The following CLIC4 variants were observed in gnomAD, a reference collection of about 807,000 sequenced individuals.
The protein encoded by CLIC4 is CLIC family member 4, also known as chloride intracellular channel protein 4.
In CLIC4, 13 loss-of-function variants were observed where a neutral mutation model predicts 24.6. The ratio of observed to expected loss-of-function variants is 0.53; its 90% CI spans 0.34 to 0.84. CLIC4 has a LOEUF of 0.84. Among genes scored for constraint, CLIC4 ranks in the 40% least tolerant of loss-of-function variants. The pLI, the probability that CLIC4 is intolerant of heterozygous loss-of-function variation, is 0.01. For missense variants in CLIC4, 227 were observed against 301.7 expected, an observed-to-expected ratio of 0.75 and a Z score of 1.83; for synonymous variants, 104 against 111.3, an observed-to-expected ratio of 0.93 and a Z score of 0.41.
rs1212033050 is a variant in CLIC4 at position 24,820,067 on chromosome 1, G to GTGTGTATATATA, written c.308+5849_308+5850insGTGTATATATAT. On this transcript the variant is annotated intron_variant, in intron 3 of 5. Transcript: ENST00000374379. ...TACTTCAAAAAAAAAAAAAAAGTAT[G>GTGTGTATATATA]TATATATATATGTATATATATATAT... Among the ~76,000 whole-genome samples, 98 of 36,460 alleles carry GTGTGTATATATA rather than the reference G, an allele frequency of 2.7e-3. 7 individuals carry two copies. Among genetic ancestry groups the GTGTGTATATATA allele is most frequent in the East Asian group, 9.2e-3 (8 of 866 alleles). 23.9% of individuals were successfully genotyped at this position (36,460 alleles called of 152,430 possible).
Position 24,783,324 on chromosome 1 carries a change from G to A in CLIC4, c.73-14418G>A, listed in dbSNP as rs528984908. 3.3e-5 allele frequency among the ~76,000 whole-genome samples: 5 copies of A among 152,212 alleles called. No individual in the cohort carries two copies. In the South Asian group the frequency reaches 1.0e-3, roughly 32 times the overall value. On this transcript the variant is annotated intron_variant, in intron 1 of 5. Transcript: ENST00000374379. ...AAATCCAGCCTACTCTGCTAGTCAG[G>A]TATTAGCCCTGGTCCCTAACATCAC...
intron 3 of CLIC4, among the ~76,000 whole-genome samples, chr1:24,816,464 A>T (rs1639670218): frequency 6.6e-6 from 1 of 151,828 alleles, no homozygotes; most frequent in South Asian, 2.1e-4. Context: ...GCTGGTCTTG[A>T]ACTCCTGACC....
chr1:24,802,045 C>G (rs1403457529), intron 2 of CLIC4, among the ~76,000 whole-genome samples: 1 of 152,096 alleles, frequency 6.6e-6, no homozygotes, highest in Non-Finnish European at 1.5e-5. Flanking sequence ...CCACCAGGCA[C>G]ACACCCTTAC....
intron 2 of CLIC4, among the ~76,000 whole-genome samples, chr1:24,811,524 G>A (rs4507959): frequency 0.98 from 148,384 of 152,184 alleles, 72,419 homozygotes; most frequent in East Asian, 1. Flanking sequence ...CCAGGCTGAA[G>A]TGCAGTGATA....
intron 2 of CLIC4, among the ~76,000 whole-genome samples, chr1:24,800,854 A>G (rs1462185864): frequency 1.3e-5 from 2 of 152,004 alleles, no homozygotes; most frequent in Non-Finnish European, 2.9e-5. Flanking sequence ...TGCTAAACAG[A>G]TGCTTGAAGG....
chr1:24,825,014 A>T (rs1368318472), intron 3 of CLIC4, among the ~76,000 whole-genome samples: 1 of 151,460 alleles, frequency 6.6e-6, no homozygotes, highest in African/African-American at 2.4e-5. Context: ...ACACACACAC[A>T]CACACACACA....
At position 24,841,308 on chromosome 1, in the gene CLIC4, T is replaced by G. The variant is rs866093165; in HGVS notation, c.*371T>G. 1.9e-4 allele frequency: 30 copies of G among 160,124 alleles called. No homozygotes were observed. The highest frequency in any genetic ancestry group is 3.1e-3 in the Middle Eastern group (1 of 324). The allele number at this position is 160,124 out of a possible 1,614,324, so 9.9% of individuals were successfully genotyped here. A position where few individuals can be genotyped will look rare whatever the true frequency, so the allele number is the denominator to read the frequency against. On this transcript the variant is annotated 3_prime_UTR_variant, in exon 6 of 6. Coordinates refer to ENST00000374379, the MANE Select transcript of CLIC4 (RefSeq NM_013943.3). ...TGCAATGTTTAATTGTTAAAAATAG[T>G]AGCCACGACTTTATCAGGCAGCCCC... is the stretch of plus-strand genomic sequence containing the variant.
rs1441621305 is a variant in CLIC4, at chr1:24,843,278, A to G, written c.*2341A>G. The G allele has an allele frequency of 6.6e-6, 1 of 152,250 alleles. No homozygotes were observed. Among genetic ancestry groups the G allele is most frequent in the Non-Finnish European group, 1.5e-5 (1 of 68,030 alleles). 9.4% of individuals were successfully genotyped at this position (152,250 alleles called of 1,614,324 possible). On this transcript the variant is annotated 3_prime_UTR_variant, in exon 6 of 6. Transcript: ENST00000374379. ...CTAGTAAAAAGGACGACCCAGCAAC[A>G]TGCTTTAACCCCATTGTATGTTTGT... is the stretch of plus-strand genomic sequence containing the variant.
chr1:24,827,412 A>G (rs1294579717), intron 4 of CLIC4, among the ~76,000 whole-genome samples: 1 of 152,234 alleles, frequency 6.6e-6, no homozygotes, highest in African/African-American at 2.4e-5. Context: ...GGAGCTAGGC[A>G]AAGAATTAAT....
chr1:24,777,685 A>G (rs1639157521), intron 1 of CLIC4, among the ~76,000 whole-genome samples: 2 of 152,156 alleles, frequency 1.3e-5, no homozygotes, highest in East Asian at 1.9e-4. Context: ...ATACATGGCT[A>G]TTCAGTGTTT....
chr1:24,789,272 C>T (rs2124122042), intron 1 of CLIC4, among the ~76,000 whole-genome samples: 1 of 152,346 alleles, frequency 6.6e-6, no homozygotes, highest in East Asian at 1.9e-4. Context: ...AATCCCAGCA[C>T]TTTGGGAGAC....
At chr1:24,749,833 G>A (rs1638751895) in intron 1 of CLIC4, among the ~76,000 whole-genome samples, 2 of 152,060 alleles carry the variant, frequency 1.3e-5, no homozygotes, top group African/African-American at 2.4e-5. Context: ...AGTGGCTCAC[G>A]CCTGTAATCC....
chr1:24,797,278 A>G (rs1442622316), intron 1 of CLIC4, among the ~76,000 whole-genome samples: 1 of 151,600 alleles, frequency 6.6e-6, no homozygotes, highest in African/African-American at 2.4e-5. Context: ...TAAGAAAAGA[A>G]AGAGGCTAGC....
At chr1:24,765,184 GTA>G (rs1638978432) in intron 1 of CLIC4, among the ~76,000 whole-genome samples, 1 of 152,172 alleles carries the variant, frequency 6.6e-6, no homozygotes, top group Non-Finnish European at 1.5e-5. Context: ...GATAGAAGAA[GTA>G]TATATGGAAA....
intron 1 of CLIC4, among the ~76,000 whole-genome samples, chr1:24,762,863 G>T (rs1441216134): frequency 6.6e-6 from 1 of 152,156 alleles, no homozygotes; most frequent in Admixed American, 6.5e-5. Context: ...TGCAAAGGGG[G>T]ATACATATGA....
In CLIC4 at chr1:24,841,359, A is replaced by G. The variant is rs1466186543; in HGVS notation, c.*422A>G. On this transcript the variant is annotated 3_prime_UTR_variant, in exon 6 of 6. Coordinates refer to ENST00000374379, the MANE Select transcript of CLIC4 (RefSeq NM_013943.3). ...AAACTGGTGCATAATGCATGGTACA[A>G]GAAATATTTATGTATTTTTTGGAAT... 2 of 153,514 alleles carry G rather than the reference A, an allele frequency of 1.3e-5. No individual in the cohort carries two copies. Among genetic ancestry groups the G allele is most frequent in the Non-Finnish European group, 2.9e-5 (2 of 68,952 alleles). The allele number at this position is 153,514 out of a possible 1,614,324, so 9.5% of individuals were successfully genotyped here. A position where few individuals can be genotyped will look rare whatever the true frequency, so the allele number is the denominator to read the frequency against.
intron 1 of CLIC4, among the ~76,000 whole-genome samples, chr1:24,796,916 A>G (rs187282730): frequency 6.6e-4 from 100 of 151,944 alleles, no homozygotes; most frequent in Non-Finnish European, 1.1e-3. Flanking sequence ...GGGCAGTGCT[A>G]TACTAGACTG....
At chr1:24,808,443 A>T (rs1364189278) in intron 2 of CLIC4, among the ~76,000 whole-genome samples, 1 of 152,098 alleles carries the variant, frequency 6.6e-6, no homozygotes, top group Non-Finnish European at 1.5e-5. Flanking sequence ...TTGTCATTAC[A>T]CTGTGTTTAG....
intron 1 of CLIC4, among the ~76,000 whole-genome samples, chr1:24,789,547 A>G (rs1245144435): frequency 1.3e-5 from 2 of 152,134 alleles, no homozygotes; most frequent in Non-Finnish European, 2.9e-5. Context: ...AAAAACCTGG[A>G]AATATATAAG....
Sources: gnomAD v4.1 joint callset for allele counts (sites outside exome capture counted in the v4.1 genomes callset) on GRCh38, gnomAD v4.1.1 for gene constraint, MANE v1.5 for transcripts, NCBI Gene and HGNC (gene_info 2026-07-23, HGNC 2026-07-21) for gene names.